Variants in REEP1 observed in about 807,000 individuals in gnomAD.
The protein encoded by REEP1 is receptor expression-enhancing protein 1.
A neutral mutation model predicts 40.3 loss-of-function variants in REEP1; 22 were observed. The ratio of observed to expected loss-of-function variants is 0.55; its 90% CI spans 0.39 to 0.78. The LOEUF (loss-of-function observed/expected upper bound fraction) is 0.78, where lower values mean the gene tolerates loss of function less well. REEP1 is among the 30% of genes least tolerant of loss of function. The pLI is 0.00. For missense variants in REEP1, 280 were observed against 361.1 expected, an observed-to-expected ratio of 0.78 and a Z score of 1.82; for synonymous variants, 116 against 139.2, an observed-to-expected ratio of 0.83 and a Z score of 1.17.
intron 7 of REEP1, among the ~76,000 whole-genome samples, chr2:86,225,554 AGCCACTGC>A (rs753007056): frequency 6.9e-4 from 105 of 152,224 alleles, no homozygotes; most frequent in Non-Finnish European, 7.2e-4. Context: ...TACAGGTGTG[AGCCACTGC>A]GCCTGTCCTA....
In REEP1 at chr2:86,323,319, C is replaced by T. The variant is rs1458154647; in HGVS notation, c.32+14160G>A. ...TGTGTATGTGCTGTAACACATAACT[C>T]TAAGCTAATTCTAAACATGTATTAT... On this transcript the variant is annotated intron_variant, in intron 1 of 8. Coordinates refer to ENST00000538924, the MANE Select transcript of REEP1 (RefSeq NM_001371279.1). Among the ~76,000 whole-genome samples, 4 of 152,320 alleles carry T rather than the reference C, an allele frequency of 2.6e-5. No individual in the cohort carries two copies. The East Asian group carries it at 7.7e-4, about 29-fold the overall frequency.
At chr2:86,307,381 T>A (rs1679542160) in intron 1 of REEP1, among the ~76,000 whole-genome samples, 1 of 152,196 alleles carries the variant, frequency 6.6e-6, no homozygotes, top group Admixed American at 6.5e-5. Context: ...TTTCCTTTAT[T>A]TATTTATTGT....
At chr2:86,318,367 T>C (rs1210114232) in intron 1 of REEP1, among the ~76,000 whole-genome samples, 1 of 151,508 alleles carries the variant, frequency 6.6e-6, no homozygotes, top group Admixed American at 6.6e-5. Flanking sequence ...TTGCTTTTTT[T>C]CTGGAAAAAG....
chr2:86,337,796 C>G (rs1681125893), upstream of REEP1: 1 of 800,262 alleles, frequency 1.2e-6, no homozygotes, highest in Non-Finnish European at 1.7e-6. The surrounding 1 kb of genome is among the most constrained non-coding windows in gnomAD (Gnocchi z 5.8). Context: ...CCCTGGCCCC[C>G]GGCTGAAGGC....
At chr2:86,247,168 G>A (rs962343491) in intron 5 of REEP1, among the ~76,000 whole-genome samples, 11 of 152,128 alleles carry the variant, frequency 7.2e-5, no homozygotes, top group African/African-American at 2.7e-4. Flanking sequence ...CCATGTAGGA[G>A]CAGAGCCAGC....
Position 86,220,096 on chromosome 2 carries a change from A to G in REEP1, c.657T>C (p.Gly219=). 1 of 1,232,012 alleles carries G rather than the reference A, an allele frequency of 8.1e-7. No individual in the cohort carries two copies. Among genetic ancestry groups the G allele is most frequent in the South Asian group, 4.1e-5 (1 of 24,318 alleles). 76.3% of individuals were successfully genotyped at this position (1,232,012 alleles called of 1,614,324 possible). ...WKVVEGDVNE[G]GMKAWEPHQV... ...GGTGGGGCTCCCATGCCTTCATACCACCCTCATTCACATCTCCCTCAACCA... is the reference window on the plus strand; with the variant it reads ...GGTGGGGCTCCCATGCCTTCATACCGCCCTCATTCACATCTCCCTCAACCA... Residue 219 remains glycine (G), a synonymous_variant, in exon 8 of 9, where the codon GGT becomes GGC. Transcript: ENST00000538924.
chr2:86,234,170 G>T (rs1479807872), intron 5 of REEP1, among the ~76,000 whole-genome samples: 2 of 151,966 alleles, frequency 1.3e-5, no homozygotes, highest in African/African-American at 4.8e-5. Flanking sequence ...GACGCAAAAT[G>T]AGTTCATTAG....
chr2:86,267,803 C>G (rs1168275165), intron 2 of REEP1, among the ~76,000 whole-genome samples: 1 of 151,596 alleles, frequency 6.6e-6, no homozygotes, highest in Non-Finnish European at 1.5e-5. Flanking sequence ...CATCATTCAT[C>G]TGATAAGGTA....
intron 2 of REEP1, among the ~76,000 whole-genome samples, chr2:86,275,187 C>T (rs1677689750): frequency 6.6e-6 from 1 of 151,972 alleles, no homozygotes; most frequent in Non-Finnish European, 1.5e-5. Flanking sequence ...TCTGCACCAT[C>T]TGCTCACCGT....
At chr2:86,258,449 A>C (rs964690572) in intron 3 of REEP1, among the ~76,000 whole-genome samples, 5 of 152,242 alleles carry the variant, frequency 3.3e-5, no homozygotes, top group African/African-American at 1.2e-4. Context: ...CTTTACAAAA[A>C]AAAGTATGCT....
intron 1 of REEP1, among the ~76,000 whole-genome samples, chr2:86,308,066 A>G (rs1004374659): frequency 6.6e-6 from 1 of 152,188 alleles, no homozygotes; most frequent in Non-Finnish European, 1.5e-5. Context: ...AGCTCAGAGA[A>G]AATCACCTGT....
chr2:86,319,395 C>T (rs1356727203), intron 1 of REEP1, among the ~76,000 whole-genome samples: 1 of 152,160 alleles, frequency 6.6e-6, no homozygotes, highest in Non-Finnish European at 1.5e-5. Context: ...GTCCTAAACC[C>T]CAATAACTGT....
intron 1 of REEP1, among the ~76,000 whole-genome samples, chr2:86,306,649 G>A (rs1263433298): frequency 6.6e-6 from 1 of 152,174 alleles, no homozygotes; most frequent in Non-Finnish European, 1.5e-5. Context: ...CCTCTGATGA[G>A]CGTTATCTGA....
intron 1 of REEP1, among the ~76,000 whole-genome samples, chr2:86,317,735 C>G (rs1371132714): frequency 1.3e-5 from 2 of 152,180 alleles, no homozygotes; most frequent in Non-Finnish European, 2.9e-5. Context: ...TAAATCCAGA[C>G]CCTTGAGTAT....
chr2:86,270,861 A>G (rs2104341802), intron 2 of REEP1, among the ~76,000 whole-genome samples: 1 of 152,288 alleles, frequency 6.6e-6, no homozygotes, highest in South Asian at 2.1e-4. Flanking sequence ...AGAACAAAAA[A>G]AAACACTTGA....
At chr2:86,253,633 T>C (rs1478073658) in intron 4 of REEP1, among the ~76,000 whole-genome samples, 3 of 152,152 alleles carry the variant, frequency 2.0e-5, no homozygotes, top group Admixed American at 6.5e-5. Flanking sequence ...AGGGATTTGA[T>C]AACCAGGTCA....
intron 3 of REEP1, among the ~76,000 whole-genome samples, chr2:86,260,713 G>C (rs1287878680): frequency 6.6e-6 from 1 of 152,120 alleles, no homozygotes; most frequent in Non-Finnish European, 1.5e-5. Context: ...CAATCATAAG[G>C]AACTGAATTC....
chr2:86,336,897 G>A (rs182201429), intron 1 of REEP1: 53 of 152,396 alleles, frequency 3.5e-4, no homozygotes, highest in African/African-American at 1.3e-3. Flanking sequence ...ATTCACATGC[G>A]TCTTCCCATG....
At chr2:86,295,887 G>C (rs1678958276) in intron 1 of REEP1, among the ~76,000 whole-genome samples, 1 of 152,198 alleles carries the variant, frequency 6.6e-6, no homozygotes, top group Admixed American at 6.5e-5. Context: ...AACTACCACA[G>C]AATGAGAATT....
Sources: allele counts gnomAD v4.1 joint callset (sites outside exome capture counted in the v4.1 genomes callset), GRCh38; gene constraint gnomAD v4.1.1; non-coding constraint Gnocchi (gnomAD v3.1); transcripts MANE v1.5; gene names NCBI Gene and HGNC (gene_info 2026-07-23, HGNC 2026-07-21).